Variants in IGF1R observed in about 807,000 individuals in gnomAD.
IGF1R encodes insulin-like growth factor 1 receptor.
Under a neutral mutation model 144.6 loss-of-function variants are expected in IGF1R, and 44 were observed. The ratio of observed to expected loss-of-function variants is 0.30; its 90% CI spans 0.24 to 0.39. IGF1R has a LOEUF of 0.39. Ranked by LOEUF, IGF1R falls within the 10% of genes least tolerant of loss-of-function variation. IGF1R has a pLI of 1.00. For missense variants in IGF1R, 1,355 were observed against 1,833.7 expected, an observed-to-expected ratio of 0.74 and a Z score of 4.77; for synonymous variants, 795 against 722.8, an observed-to-expected ratio of 1.10 and a Z score of -1.60.
chr15:98,839,496 T>C (rs1025859860), intron 2 of IGF1R, among the ~76,000 whole-genome samples: 11 of 152,176 alleles, frequency 7.2e-5, no homozygotes, highest in African/African-American at 2.4e-5. Flanking sequence ...CACGAAAATA[T>C]TAGGTTCAGA....
At chr15:98,880,599 C>T (rs918550857) in intron 2 of IGF1R, 3 of 152,190 alleles carry the variant, frequency 2.0e-5, no homozygotes, top group African/African-American at 7.2e-5. Flanking sequence ...TATACACCAC[C>T]AAGGGGATGG....
At chr15:98,663,168 T>C (rs73473436) in intron 1 of IGF1R, among the ~76,000 whole-genome samples, 21,125 of 151,954 alleles carry the variant, frequency 0.14, 2,586 homozygotes, top group African/African-American at 0.32. Flanking sequence ...ACTGGTGAGA[T>C]GGGTCCTCGG....
intron 2 of IGF1R, among the ~76,000 whole-genome samples, chr15:98,781,690 TTATC>T (rs376857871): frequency 5.3e-5 from 8 of 152,330 alleles, no homozygotes; most frequent in East Asian, 1.9e-4. Context: ...ACTTAGAACT[TTATC>T]TACCTTGCAT....
intron 1 of IGF1R, among the ~76,000 whole-genome samples, chr15:98,654,453 G>C (rs1296487194): frequency 1.3e-5 from 2 of 152,132 alleles, no homozygotes; most frequent in African/African-American, 4.8e-5. Context: ...TAGCTTTCTA[G>C]AAATCAGGAA....
intron 1 of IGF1R, among the ~76,000 whole-genome samples, chr15:98,656,157 A>G (rs1028265327): frequency 6.6e-6 from 1 of 152,176 alleles, no homozygotes; most frequent in Non-Finnish European, 1.5e-5. Flanking sequence ...AAGCATTCAC[A>G]TTCTTTGGAG....
intron 4 of IGF1R, 100 bp downstream of exon 4, chr15:98,897,005 C>G (rs1039783598): frequency 2.7e-6 from 3 of 1,105,934 alleles, no homozygotes; most frequent in Non-Finnish European, 4.1e-6. Context: ...AAAATATGGG[C>G]TTAGATAAAC....
intron 2 of IGF1R, among the ~76,000 whole-genome samples, chr15:98,877,239 A>G (rs2013103895): frequency 6.6e-6 from 1 of 152,222 alleles, no homozygotes; most frequent in Non-Finnish European, 1.5e-5. Context: ...CAAAAGTGTT[A>G]AAGGCACAAT....
At chr15:98,923,675 TGA>T (rs2015585550) in intron 11 of IGF1R, 199 bp from the exon 12 acceptor site, 4 of 596,186 alleles carry the variant, frequency 6.7e-6, no homozygotes, top group Non-Finnish European at 1.2e-5. Context: ...CTCCGCTGTG[TGA>T]GCAGCCCGCT....
chr15:98,654,086 A>T (rs1380559058), intron 1 of IGF1R, among the ~76,000 whole-genome samples: 1 of 152,214 alleles, frequency 6.6e-6, no homozygotes, highest in Middle Eastern at 3.2e-3. Flanking sequence ...TTTCAAGTAG[A>T]CAGTAGTTAG....
At chr15:98,656,554 C>A (rs2052489663) in intron 1 of IGF1R, among the ~76,000 whole-genome samples, 2 of 152,112 alleles carry the variant, frequency 1.3e-5, no homozygotes, top group African/African-American at 4.8e-5. Flanking sequence ...ATCACACACA[C>A]AAAATACATA....
intron 2 of IGF1R, among the ~76,000 whole-genome samples, chr15:98,835,073 C>A (rs1025094713): frequency 1.6e-4 from 14 of 86,242 alleles, no homozygotes; most frequent in African/African-American, 6.3e-4. Flanking sequence ...CAAGAGAACA[C>A]CCCCCCTACA....
rs1201489476 is a variant in IGF1R at position 98,869,464 on chromosome 15, C to T, written c.641-21861C>T. On this transcript the variant is annotated intron_variant, in intron 2 of 20. Coordinates refer to ENST00000650285, the MANE Select transcript of IGF1R (RefSeq NM_000875.5). ...TTTTTTTTTTTTTTAGACGGCGTTT[C>T]GCCCTTGTTGCCCAGGCTGGAGTGC... Among the ~76,000 whole-genome samples, 10 of 136,126 alleles carry T rather than the reference C, an allele frequency of 7.3e-5. No homozygotes were observed. In the South Asian group the frequency reaches 9.1e-4, roughly 12 times the overall value. 89.3% of individuals were successfully genotyped at this position (136,126 alleles called of 152,430 possible).
chr15:98,853,325 G>A (rs1406164557), intron 2 of IGF1R, among the ~76,000 whole-genome samples: 1 of 152,174 alleles, frequency 6.6e-6, no homozygotes, highest in Non-Finnish European at 1.5e-5. Flanking sequence ...GTGTGATAGG[G>A]GCGTAGTGGA....
At position 98,891,540 on chromosome 15, in the gene IGF1R, C is replaced by G. The variant is rs2013917523; in HGVS notation, c.856C>G (p.Leu286Val). ...CVDRDFCANI[L>V]SAESSDSEGF... ...GGACCGTGACTTCTGCGCCAACATC[C>G]TCAGCGCCGAGAGCAGCGACTCCGA... Residue 286 changes from leucine to valine, a missense_variant, in exon 3 of 21, where the codon CTC becomes GTC. This residue lies in a region of IGF1R where 880 missense variants were observed against 1,202.7 expected (regional missense o/e 0.73). Coordinates refer to ENST00000650285, the MANE Select transcript of IGF1R (RefSeq NM_000875.5). The surrounding 1 kb of genome is among the most constrained non-coding windows in gnomAD (Gnocchi z 4.7). 13 of 1,612,208 alleles carry G rather than the reference C, an allele frequency of 8.1e-6. No individual in the cohort carries two copies. Among genetic ancestry groups the G allele is most frequent in the African/African-American group, 1.3e-5 (1 of 74,946 alleles).
intron 2 of IGF1R, among the ~76,000 whole-genome samples, chr15:98,710,428 G>A (rs999017902): frequency 6.6e-6 from 1 of 152,032 alleles, no homozygotes; most frequent in Admixed American, 6.5e-5. Context: ...GTCCAGTGTG[G>A]TAGCCGCTTA....
At chr15:98,933,026 C>A (rs1474674564) in intron 15 of IGF1R, among the ~76,000 whole-genome samples, 1 of 152,204 alleles carries the variant, frequency 6.6e-6, no homozygotes, top group Non-Finnish European at 1.5e-5. Context: ...CCAGGGTCAG[C>A]ATCTGAAAGC....
intron 5 of IGF1R, among the ~76,000 whole-genome samples, chr15:98,902,322 G>GT (rs1014472074): frequency 4.6e-5 from 7 of 150,870 alleles, no homozygotes; most frequent in Non-Finnish European, 1.0e-4. Context: ...CACTTTGACG[G>GT]TTTTTTTTCC....
intron 2 of IGF1R, among the ~76,000 whole-genome samples, chr15:98,729,667 T>C (rs2054452955): frequency 6.6e-6 from 1 of 151,996 alleles, no homozygotes; most frequent in East Asian, 1.9e-4. Flanking sequence ...GGAGACAGTA[T>C]CTGGGGGCCT....
intron 2 of IGF1R, among the ~76,000 whole-genome samples, chr15:98,816,555 A>G (rs2141469201): frequency 6.6e-6 from 1 of 152,294 alleles, no homozygotes; most frequent in Non-Finnish European, 1.5e-5. Flanking sequence ...GCTCTTGAGA[A>G]GTTGCCTGTA....
Sources: allele counts gnomAD v4.1 joint callset (sites outside exome capture counted in the v4.1 genomes callset), GRCh38; gene constraint gnomAD v4.1.1; regional missense constraint gnomAD v4.1.1; non-coding constraint Gnocchi (gnomAD v3.1); transcripts MANE v1.5; gene names NCBI Gene and HGNC (gene_info 2026-07-23, HGNC 2026-07-21).